Variants in ATP9A observed in about 807,000 individuals in gnomAD.
The protein encoded by ATP9A is ATPase phospholipid transporting 9A.
In ATP9A, 52 loss-of-function variants were observed where a neutral mutation model predicts 144.1. The ratio of observed to expected loss-of-function variants is 0.36; its 90% CI spans 0.29 to 0.45. The LOEUF (loss-of-function observed/expected upper bound fraction) is 0.45, where lower values mean the gene tolerates loss of function less well. Among genes scored for constraint, ATP9A ranks in the 20% least tolerant of loss-of-function variants. The probability of loss-of-function intolerance (pLI) is 1.00; values close to 1 mark genes in which losing one functional copy is unlikely to be tolerated. For synonymous variants in ATP9A, 582 were observed against 557.4 expected, an observed-to-expected ratio of 1.04 and a Z score of -0.62; for missense variants, 947 against 1,392.7, an observed-to-expected ratio of 0.68 and a Z score of 5.09.
At chr20:51,601,795 G>A (rs1180985112) in intron 27 of ATP9A, among the ~76,000 whole-genome samples, 1 of 152,054 alleles carries the variant, frequency 6.6e-6, no homozygotes, top group African/African-American at 2.4e-5. Flanking sequence ...AGTCCCAGCT[G>A]TTCAGGAGGC....
chr20:51,635,770 A>G lies in ATP9A; in HGVS notation c.1668+3573T>C, dbSNP rs1307044080. ...GGAAGGAAAAAGAGAAGAGAAAAGAAAAGAGAAAAGGAAGGAAACAGAGGA... is the reference window on the plus strand; with the variant it reads ...GGAAGGAAAAAGAGAAGAGAAAAGAGAAGAGAAAAGGAAGGAAACAGAGGA... On this transcript the variant is annotated intron_variant, in intron 15 of 27. Transcript: ENST00000338821. Among the ~76,000 whole-genome samples the G allele has an allele frequency of 1.1e-3, 109 of 103,570 alleles. 1 individual carries two copies. Among genetic ancestry groups the G allele is most frequent in the African/African-American group, 3.4e-3 (103 of 30,362 alleles). The allele number at this position is 103,570 out of a possible 152,430, so 67.9% of individuals were successfully genotyped here.
At chr20:51,768,245 G>C (rs2077914356) in intron 1 of ATP9A, 57 bp downstream of exon 1, 3 of 1,149,272 alleles carry the variant, frequency 2.6e-6, no homozygotes, top group Middle Eastern at 3.0e-4. Context: ...AGGCTGGCCC[G>C]AGCGCCGGGC....
intron 1 of ATP9A, among the ~76,000 whole-genome samples, chr20:51,755,451 AT>A (rs1568849011): frequency 6.6e-6 from 1 of 151,804 alleles, no homozygotes; most frequent in Non-Finnish European, 1.5e-5. Context: ...AAAAAAAAAA[AT>A]TTCTTATAAT....
rs2077468650 is a variant in ATP9A, at chr20:51,674,383, G to A, written c.877-70C>T. 12 of 1,547,386 alleles carry A rather than the reference G, an allele frequency of 7.8e-6. 1 individual carries two copies. The South Asian group carries it at 1.4e-4, about 18-fold the overall frequency. On this transcript the variant is annotated intron_variant, in intron 10 of 27. Coordinates refer to ENST00000338821, the MANE Select transcript of ATP9A (RefSeq NM_006045.3). ...ACTAATCTCAAACCTAAACCAGGAG[G>A]TGGAGGCTGCAGTGAGCTGAGCCTC...
chr20:51,690,963 G>C (rs4811222), intron 7 of ATP9A, 144 bp from the exon 8 acceptor site: 262,509 of 689,832 alleles, frequency 0.38, 53,925 homozygotes, highest in East Asian at 0.67. Context: ...GGAAAGAAGA[G>C]GAAAGTCCTC....
intron 12 of ATP9A, 139 bp downstream of exon 12, chr20:51,670,975 CT>C (rs1266199201): frequency 1.0e-6 from 1 of 993,218 alleles, no homozygotes; most frequent in Non-Finnish European, 1.5e-6. Flanking sequence ...ACCAAAGAAT[CT>C]TCATCAAAAG....
rs772531927 is a variant in ATP9A at position 51,729,814 on chromosome 20, C to T, written c.213+20G>A. The stretch of plus-strand genomic sequence containing the variant: ...TTGTGATGGAAAAAAGAAAAGAGCA[C>T]GGTCCCTGCCTGCACGTACCCCAGG... On this transcript the variant is annotated intron_variant, in intron 2 of 27. Transcript: ENST00000338821. The T allele has an allele frequency of 2.8e-5, 43 of 1,535,752 alleles. No homozygotes were observed. The highest frequency in any genetic ancestry group is 3.7e-5 in the Non-Finnish European group (42 of 1,146,374).
At chr20:51,612,170 TG>T (rs11086349) in intron 23 of ATP9A, among the ~76,000 whole-genome samples, 25,247 of 152,060 alleles carry the variant, frequency 0.17, 2,282 homozygotes, top group African/African-American at 0.24. Context: ...GTTTTCCAGG[TG>T]GGAAGACCGA....
chr20:51,635,398 C>G (rs2122740303), intron 15 of ATP9A, among the ~76,000 whole-genome samples: 1 of 152,262 alleles, frequency 6.6e-6, no homozygotes, highest in South Asian at 2.1e-4. Flanking sequence ...CCAAGCCTGC[C>G]ACAGAAATTG....
At chr20:51,672,890 TG>T (rs1354864465) in intron 11 of ATP9A, among the ~76,000 whole-genome samples, 3 of 152,308 alleles carry the variant, frequency 2.0e-5, no homozygotes, top group African/African-American at 7.2e-5. Context: ...TCCAATTTTT[TG>T]TAAAGGCAGA....
At chr20:51,631,678 C>A (rs554196178) in intron 15 of ATP9A, among the ~76,000 whole-genome samples, 2 of 152,162 alleles carry the variant, frequency 1.3e-5, no homozygotes, top group Non-Finnish European at 2.9e-5. Flanking sequence ...CTTTTCCCAC[C>A]GTGGTCTGCA....
intron 18 of ATP9A, among the ~76,000 whole-genome samples, chr20:51,623,135 C>T (rs1057452894): frequency 6.6e-6 from 1 of 152,226 alleles, no homozygotes; most frequent in Admixed American, 6.5e-5. Flanking sequence ...AGGGCTGAGC[C>T]TCCCGGGCCC....
At chr20:51,723,551 C>A (rs1224422437) in intron 3 of ATP9A, among the ~76,000 whole-genome samples, 2 of 143,846 alleles carry the variant, frequency 1.4e-5, no homozygotes, top group African/African-American at 5.1e-5. Context: ...ACAGCCTGGG[C>A]AACAGCAAAT....
rs1601047278 is a variant in ATP9A, at chr20:51,601,042, C to T, written c.*169G>A. 6 of 752,424 alleles carry T rather than the reference C, an allele frequency of 8.0e-6. No individual in the cohort carries two copies. In the East Asian group the frequency reaches 1.5e-4, roughly 19 times the overall value. 46.6% of individuals were successfully genotyped at this position (752,424 alleles called of 1,614,324 possible). ...GGGTCTCTTTCAGGACCCTCCCTCC[C>T]GTTGATGCAGCGTTAGGACTCCGTT... On this transcript the variant is annotated 3_prime_UTR_variant, in exon 28 of 28. Transcript: ENST00000338821.
At chr20:51,702,992 T>TTTG (rs144551757) in intron 4 of ATP9A, among the ~76,000 whole-genome samples, 97,990 of 151,480 alleles carry the variant, frequency 0.65, 31,736 homozygotes, top group Middle Eastern at 0.68. Context: ...CCTTGGTTTT[T>TTTG]TTGTTGTTGT....
At chr20:51,707,305 A>C (rs2077618589) in intron 4 of ATP9A, among the ~76,000 whole-genome samples, 1 of 152,086 alleles carries the variant, frequency 6.6e-6, no homozygotes, top group Non-Finnish European at 1.5e-5. Context: ...TCTAAGACTC[A>C]AGATGAAGGT....
intron 16 of ATP9A, among the ~76,000 whole-genome samples, chr20:51,628,518 C>T (rs74324062): frequency 0.032 from 4,836 of 152,318 alleles, 102 homozygotes; most frequent in Middle Eastern, 0.1. Context: ...TGTTCCATCA[C>T]CTGCTCTCTT....
intron 1 of ATP9A, among the ~76,000 whole-genome samples, chr20:51,767,373 C>T (rs1391649664): frequency 6.6e-6 from 1 of 152,164 alleles, no homozygotes; most frequent in Non-Finnish European, 1.5e-5. Context: ...GCCGGGAAAT[C>T]TGCATTTGCA....
Position 51,635,732 on chromosome 20 carries a change from C to CGGAAGGAA in ATP9A, c.1668+3603_1668+3610dup, listed in dbSNP as rs147846573. Among the ~76,000 whole-genome samples, 289 of 137,980 alleles carry CGGAAGGAA rather than the reference C, an allele frequency of 2.1e-3. 3 individuals are homozygous for CGGAAGGAA. Among genetic ancestry groups the CGGAAGGAA allele is most frequent in the African/African-American group, 7.3e-3 (268 of 36,764 alleles). 90.5% of individuals were successfully genotyped at this position (137,980 alleles called of 152,430 possible). A position where few individuals can be genotyped will look rare whatever the true frequency, so the allele number is the denominator to read the frequency against. ...ACCCTAGGCAACAGAGCAAGATGGA[C>CGGAAGGAA]GGAAGGAAGGAAGGAAGGAAAAAGA... is the stretch of plus-strand genomic sequence containing the variant. On this transcript the variant is annotated intron_variant, in intron 15 of 27. Transcript: ENST00000338821.
Sources: allele counts gnomAD v4.1 joint callset (sites outside exome capture counted in the v4.1 genomes callset), GRCh38; gene constraint gnomAD v4.1.1; transcripts MANE v1.5; gene names NCBI Gene and HGNC (gene_info 2026-07-23, HGNC 2026-07-21).